The following TMPRSS15 variants were observed in gnomAD, a reference collection of about 807,000 sequenced individuals.
TMPRSS15 encodes the protein enteropeptidase.
Under a neutral mutation model 125.3 loss-of-function variants are expected in TMPRSS15, and 128 were observed. The observed-to-expected ratio is 1.02, with a 90% CI of 0.89 to 1.18. The LOEUF is 1.18. TMPRSS15 is among the 50% of genes most tolerant of loss of function. TMPRSS15 has a pLI of 0.00. For missense variants in TMPRSS15, 1,283 were observed against 1,212.7 expected, an observed-to-expected ratio of 1.06 and a Z score of -0.86; for synonymous variants, 446 against 423.2, an observed-to-expected ratio of 1.05 and a Z score of -0.66.
At chr21:18,403,344 T>A (rs561749598) in intron 1 of TMPRSS15, 134 bp downstream of exon 1, 1 of 1,168,450 alleles carries the variant, frequency 8.6e-7, no homozygotes, top group African/African-American at 1.5e-5. Context: ...GAAGATTAAT[T>A]TGAAATATTA....
intron 1 of TMPRSS15, among the ~76,000 whole-genome samples, chr21:18,435,475 T>A (rs2076225791): frequency 6.6e-6 from 1 of 152,208 alleles, no homozygotes; most frequent in Non-Finnish European, 1.5e-5. Context: ...ATCCCAGGGA[T>A]GAAGCCCACT....
At chr21:18,379,347 A>G in intron 4 of TMPRSS15, 29 bp from the exon 5 acceptor site, 3 of 1,121,384 alleles carry the variant, frequency 2.7e-6, no homozygotes, top group Non-Finnish European at 3.6e-6. Flanking sequence ...TAAAATAATT[A>G]TTACCTATTT....
chr21:18,321,349 C>CTTTTTTTTTTT (rs751011766), intron 16 of TMPRSS15, among the ~76,000 whole-genome samples: 1 of 100,596 alleles, frequency 9.9e-6, no homozygotes, highest in African/African-American at 4.1e-5. Flanking sequence ...TTTTTTCCTT[C>CTTTTTTTTTTT]TTTTTTTTTT....
intron 1 of TMPRSS15, among the ~76,000 whole-genome samples, chr21:18,432,945 T>C (rs975536868): frequency 6.6e-6 from 1 of 152,192 alleles, no homozygotes; most frequent in Non-Finnish European, 1.5e-5. Context: ...TTGTGAGAGT[T>C]AACTATTTTT....
chr21:18,324,267 A>T (rs571357066), intron 16 of TMPRSS15, among the ~76,000 whole-genome samples: 1 of 152,254 alleles, frequency 6.6e-6, no homozygotes, highest in South Asian at 2.1e-4. Context: ...TTTTTCCTGC[A>T]TGCCCATTAC....
chr21:18,277,194 A>C (rs7278326), intron 23 of TMPRSS15, among the ~76,000 whole-genome samples: 15,523 of 152,174 alleles, frequency 0.1, 1,104 homozygotes, highest in African/African-American at 0.19. Flanking sequence ...AATGAAATTG[A>C]TCTCAGATAC....
intron 3 of TMPRSS15, among the ~76,000 whole-genome samples, chr21:18,387,622 C>T (rs945773684): frequency 0.03 from 528 of 17,848 alleles, 3 homozygotes; most frequent in Non-Finnish European, 0.06. Flanking sequence ...TACACACACA[C>T]ACACACACAC....
At chr21:18,363,542 G>A (rs1244214099) in intron 7 of TMPRSS15, among the ~76,000 whole-genome samples, 1 of 139,310 alleles carries the variant, frequency 7.2e-6, no homozygotes, top group Non-Finnish European at 1.5e-5. Context: ...AAATAGTTGT[G>A]TACCCAATTA....
intron 17 of TMPRSS15, among the ~76,000 whole-genome samples, chr21:18,313,857 C>G (rs1328191373): frequency 6.9e-6 from 1 of 144,740 alleles, no homozygotes; most frequent in Non-Finnish European, 1.5e-5. Context: ...GAAGGAAACT[C>G]AAGTTTAGGG....
Position 18,281,096 on chromosome 21 carries a change from C to A in TMPRSS15, c.2612G>T (p.Arg871Leu). The change falls in exon 22 of 25, where the codon CGA becomes CTA. Residue 871 changes from arginine to leucine, a missense_variant. Coordinates refer to ENST00000284885, the MANE Select transcript of TMPRSS15 (RefSeq NM_002772.3). ...CATGGCAATGTCGTTGTCCTTTCTT[C>A]GCCTATTGTAATGAGGGTTTATGAC... Reference protein sequence around the residue: ...EIVINPHYNRRRKDNDIAMMH... With the variant: ...EIVINPHYNRLRKDNDIAMMH... The A allele has an allele frequency of 6.2e-7, 1 of 1,613,798 alleles. No homozygotes were observed. The highest frequency in any genetic ancestry group is 8.5e-7 in the Non-Finnish European group (1 of 1,179,944).
intron 1 of TMPRSS15, among the ~76,000 whole-genome samples, chr21:18,449,328 CATAG>C (rs1227365880): frequency 1.3e-5 from 2 of 152,002 alleles, no homozygotes; most frequent in Admixed American, 6.6e-5. Context: ...AAGTTTATTT[CATAG>C]ATAGAGAGGA....
chr21:18,443,657 C>G (rs142678248), intron 1 of TMPRSS15, among the ~76,000 whole-genome samples: 1 of 152,334 alleles, frequency 6.6e-6, no homozygotes, highest in East Asian at 1.9e-4. Context: ...TAAGATTGCT[C>G]CACCTCACCT....
chr21:18,415,107 T>G (rs1035672524), intron 1 of TMPRSS15, among the ~76,000 whole-genome samples: 3 of 152,152 alleles, frequency 2.0e-5, no homozygotes, highest in Non-Finnish European at 4.4e-5. Flanking sequence ...CCCTGATGAT[T>G]AGACATTTTG....
Position 18,413,233 on chromosome 21 carries a change from T to TCC in TMPRSS15, c.11-14905_11-14904insGG, listed in dbSNP as rs2076170540. Among the ~76,000 whole-genome samples, 3 of 126,634 alleles carry TCC rather than the reference T, an allele frequency of 2.4e-5. No homozygotes were observed. The Admixed American group carries it at 2.5e-4, about 10-fold the overall frequency. The allele number at this position is 126,634 out of a possible 152,430, so 83.1% of individuals were successfully genotyped here. ...CCTCCCTTCCTCTTCCTTCCTTCCT[T>TCC]TTCTCTCTCTTTCTTCCTTCCTTTC... On this transcript the variant is annotated intron_variant, in intron 1 of 7. Transcript: ENST00000422787.
At chr21:18,332,247 A>T in intron 13 of TMPRSS15, 74 bp from the exon 14 acceptor site, 2 of 1,281,272 alleles carry the variant, frequency 1.6e-6, no homozygotes, top group South Asian at 1.2e-5. Context: ...TATGCCAGCG[A>T]ATTTTCAATT....
intron 1 of TMPRSS15, among the ~76,000 whole-genome samples, chr21:18,446,296 G>A (rs550916381): frequency 1.3e-5 from 2 of 152,078 alleles, no homozygotes; most frequent in Non-Finnish European, 2.9e-5. Flanking sequence ...ACTAATGAAA[G>A]AAATTGAAGA....
chr21:18,362,362 T>C (rs1017914840), intron 7 of TMPRSS15, among the ~76,000 whole-genome samples: 3 of 152,100 alleles, frequency 2.0e-5, no homozygotes, highest in Admixed American at 6.6e-5. Context: ...TGTTTTTTCA[T>C]CTGATGTTTT....
intron 1 of TMPRSS15, among the ~76,000 whole-genome samples, chr21:18,423,181 CTT>C (rs1416199188): frequency 1.3e-5 from 2 of 152,060 alleles, no homozygotes; most frequent in African/African-American, 4.8e-5. Flanking sequence ...TGAGGTTTTG[CTT>C]TGGATTTCTC....
chr21:18,351,133 G>A (rs76210054), intron 10 of TMPRSS15, among the ~76,000 whole-genome samples: 1,871 of 152,048 alleles, frequency 0.012, 17 homozygotes, highest in Non-Finnish European at 0.019. Context: ...CACAATTTAT[G>A]TTAAATCAAC....
Sources: allele counts gnomAD v4.1 joint callset (sites outside exome capture counted in the v4.1 genomes callset), GRCh38; gene constraint gnomAD v4.1.1; transcripts MANE v1.5; gene names NCBI Gene and HGNC (gene_info 2026-07-23, HGNC 2026-07-21).